The following CDHR3 variants were observed in gnomAD, a reference collection of about 807,000 sequenced individuals.
CDHR3 encodes cadherin-related family member 3.
Under a neutral mutation model 86.6 loss-of-function variants are expected in CDHR3, and 79 were observed. The observed-to-expected ratio is 0.91, with a 90% CI of 0.76 to 1.10. CDHR3 has a LOEUF of 1.10. Among genes scored for constraint, CDHR3 ranks in the 50% least tolerant of loss-of-function variants. The pLI is 0.00. For missense variants in CDHR3, 1,081 were observed against 1,077.6 expected (o/e 1.00, Z -0.04); for synonymous variants, 421 against 402.4 (o/e 1.05, Z -0.55).
chr7:106,031,055 C>T (rs1025826971), intron 18 of CDHR3, among the ~76,000 whole-genome samples: 8 of 152,198 alleles, frequency 5.3e-5, no homozygotes, highest in African/African-American at 2.4e-5. Context: ...GTCACACTTA[C>T]GTGAGGCCTC....
chr7:105,974,696 A>G (rs1828523277), intron 1 of CDHR3, 148 bp from the exon 2 acceptor site: 1 of 637,570 alleles, frequency 1.6e-6, no homozygotes, highest in Admixed American at 2.8e-5. Context: ...CATTGCCAGC[A>G]CTTGGCAAGA....
intron 8 of CDHR3, among the ~76,000 whole-genome samples, chr7:106,006,561 A>G (rs1236573576): frequency 6.6e-6 from 1 of 152,204 alleles, no homozygotes; most frequent in Admixed American, 6.5e-5. Context: ...GGCCCCATGC[A>G]AGTCTGAAAT....
Position 106,015,998 on chromosome 7 carries a change from G to A in CDHR3, c.1399G>A (p.Val467Ile). The stretch of plus-strand genomic sequence containing the variant: ...TCTCATTTTTGATAGGCCATCCTAT[G>A]TATTTGATGTGTCAGAAAGAAGGCC... Reference protein sequence around the residue: ...FPLIFDRPSYVFDVSERRPAR... With the variant: ...FPLIFDRPSYIFDVSERRPAR... Residue 467 changes from valine to isoleucine, a missense_variant, in exon 11 of 19, where the codon GTA becomes ATA. Coordinates refer to ENST00000317716, the MANE Select transcript of CDHR3 (RefSeq NM_152750.5). 6.2e-7 allele frequency: 1 copy of A among 1,611,998 alleles called. No individual in the cohort carries two copies. Among genetic ancestry groups the A allele is most frequent in the South Asian group, 1.1e-5 (1 of 90,636 alleles).
chr7:106,017,564 GACACACACACACACACACAC>G (rs539661927), intron 11 of CDHR3, among the ~76,000 whole-genome samples: 1 of 130,548 alleles, frequency 7.7e-6, no homozygotes, highest in African/African-American at 2.9e-5. Context: ...GTCACACACA[GACACACACACACACACACAC>G]ACACACACAC....
chr7:106,013,077 T>G, intron 9 of CDHR3, 46 bp downstream of exon 9: 2 of 1,508,960 alleles, frequency 1.3e-6, no homozygotes, highest in Non-Finnish European at 1.8e-6. Context: ...CGGGAATTGG[T>G]CCAACATGCA....
intron 8 of CDHR3, 104 bp from the exon 9 acceptor site, chr7:106,012,756 T>G: frequency 8.0e-7 from 1 of 1,245,288 alleles, no homozygotes; most frequent in Non-Finnish European, 1.1e-6. Flanking sequence ...TGGACTTACT[T>G]TGAATTGCAG....
chr7:105,977,662 T>C (rs1379785764), intron 2 of CDHR3, among the ~76,000 whole-genome samples: 1 of 152,176 alleles, frequency 6.6e-6, no homozygotes. Flanking sequence ...CCAACCGAAA[T>C]TGCTCACAAG....
chr7:105,990,728 A>ACTGCAGGC (rs11282259), intron 4 of CDHR3, among the ~76,000 whole-genome samples: 78,296 of 151,300 alleles, frequency 0.52, 20,902 homozygotes, highest in East Asian at 0.75. Context: ...GTTTGTTTCT[A>ACTGCAGGC]CTGAAAGCAA....
chr7:106,016,842 A>G (rs965417451), intron 11 of CDHR3, among the ~76,000 whole-genome samples: 5 of 152,240 alleles, frequency 3.3e-5, no homozygotes, highest in African/African-American at 1.2e-4. Flanking sequence ...AACAAATTCG[A>G]AAGGAATAGG....
Position 105,987,755 on chromosome 7 carries a change from C to T in CDHR3, c.513+3466C>T, listed in dbSNP as rs2115713825. On this transcript the variant is annotated intron_variant, in intron 4 of 18. Transcript: ENST00000317716. ...AGGGGTGAGAACTGCTGGTTTGCCA[C>T]ATCATCTCCCAAAATTTCCAAGTCC... is the stretch of plus-strand genomic sequence containing the variant. Among the ~76,000 whole-genome samples, 2 of 152,326 alleles carry T rather than the reference C, an allele frequency of 1.3e-5. 1 individual carries two copies. Among genetic ancestry groups the T allele is most frequent in the Middle Eastern group, 6.8e-3 (2 of 294 alleles).
intron 1 of CDHR3, among the ~76,000 whole-genome samples, chr7:105,972,360 A>T (rs2727758): frequency 1.3e-5 from 2 of 152,184 alleles, no homozygotes; most frequent in East Asian, 3.9e-4. Flanking sequence ...TGAGAAAAAC[A>T]TAGCAAGTTC....
At position 106,015,114 on chromosome 7, in the gene CDHR3, A is replaced by G. The variant is rs1835392020; in HGVS notation, c.1228A>G (p.Ile410Val). ...TACTATCTCTGTTTTAATCTAGCTG[A>G]TTGGTGATCTAGACTACGAAAATCC... ...DPAGSGKIVL[I>V]GDLDYENPSN... Residue 410 changes from isoleucine (I) to valine (V), a missense_variant, in exon 10 of 19, where the codon ATT becomes GTT. Ile to Val is a conservative substitution (Grantham distance 29, BLOSUM62 3). Coordinates refer to ENST00000317716, the MANE Select transcript of CDHR3 (RefSeq NM_152750.5). The G allele has an allele frequency of 6.2e-7, 1 of 1,602,566 alleles. No individual in the cohort carries two copies. Among genetic ancestry groups the G allele is most frequent in the Non-Finnish European group, 8.5e-7 (1 of 1,173,848 alleles).
At chr7:106,013,988 TCTCG>T (rs1835194428) in intron 9 of CDHR3, among the ~76,000 whole-genome samples, 2 of 152,186 alleles carry the variant, frequency 1.3e-5, no homozygotes, top group South Asian at 4.1e-4. Flanking sequence ...AGAGACCATG[TCTCG>T]CTCTGTCACC....
chr7:106,012,946 A>G lies in CDHR3; in HGVS notation c.1139A>G (p.Asn380Ser), dbSNP rs188353985. ...FCFDDDSEAPNNRFNFTMPSG... is the reference protein window; with the variant it reads ...FCFDDDSEAPSNRFNFTMPSG... ...TTTGATGATGACAGTGAGGCACCAAACAACAGATTCAACTTCACCATGCCA... is the reference window on the plus strand; with the variant it reads ...TTTGATGATGACAGTGAGGCACCAAGCAACAGATTCAACTTCACCATGCCA... The change falls in exon 9 of 19, where the codon AAC becomes AGC. Residue 380 changes from asparagine (N) to serine (S), a missense_variant. Physicochemically the swap from Asn to Ser is conservative, Grantham distance 46. Transcript: ENST00000317716. The G allele has an allele frequency of 5.0e-5, 81 of 1,613,876 alleles. No homozygotes were observed. The East Asian group carries it at 1.5e-3, about 29-fold the overall frequency.
chr7:105,966,371 C>T (rs1201562119), intron 1 of CDHR3, among the ~76,000 whole-genome samples: 1 of 152,156 alleles, frequency 6.6e-6, no homozygotes, highest in Non-Finnish European at 1.5e-5. Flanking sequence ...GGTACCAAAC[C>T]CATCCAACTG....
intron 11 of CDHR3, among the ~76,000 whole-genome samples, 161 bp downstream of exon 11, chr7:106,016,186 T>C (rs1381685431): frequency 6.6e-6 from 1 of 152,188 alleles, no homozygotes; most frequent in Non-Finnish European, 1.5e-5. Context: ...TCTTTTAAAT[T>C]TTCCTCGCTG....
At chr7:105,965,301 A>G (rs1826695496) in intron 1 of CDHR3, among the ~76,000 whole-genome samples, 1 of 152,006 alleles carries the variant, frequency 6.6e-6, no homozygotes, top group Non-Finnish European at 1.5e-5. Flanking sequence ...AATAATCTCA[A>G]ATAAAGTAAC....
At chr7:106,031,651 T>A (rs561747585) in intron 18 of CDHR3, among the ~76,000 whole-genome samples, 1 of 152,302 alleles carries the variant, frequency 6.6e-6, no homozygotes, top group South Asian at 2.1e-4. Flanking sequence ...TTAGCATAAG[T>A]GCTGGTGGGA....
chr7:106,024,682 G>A, intron 15 of CDHR3, 120 bp downstream of exon 15: 1 of 1,041,174 alleles, frequency 9.6e-7, no homozygotes, highest in Non-Finnish European at 1.4e-6. Context: ...TGCCTGGAGT[G>A]AAGGCAGGAA....
Sources: allele counts gnomAD v4.1 joint callset (sites outside exome capture counted in the v4.1 genomes callset), GRCh38; gene constraint gnomAD v4.1.1; transcripts MANE v1.5; gene names NCBI Gene and HGNC (gene_info 2026-07-23, HGNC 2026-07-21).